The following IGF1R variants were observed in gnomAD, a reference collection of about 807,000 sequenced individuals.
The protein encoded by IGF1R is insulin like growth factor 1 receptor.
A neutral mutation model predicts 144.6 loss-of-function variants in IGF1R; 44 were observed. The ratio of observed to expected loss-of-function variants is 0.30; its 90% CI spans 0.24 to 0.39. The LOEUF (loss-of-function observed/expected upper bound fraction) is 0.39, where lower values mean the gene tolerates loss of function less well. IGF1R is among the 10% of genes least tolerant of loss of function. The pLI is 1.00. For synonymous variants in IGF1R, 795 were observed against 722.8 expected, an observed-to-expected ratio of 1.10 and a Z score of -1.60; for missense variants, 1,355 against 1,833.7, an observed-to-expected ratio of 0.74 and a Z score of 4.77.
intron 2 of IGF1R, among the ~76,000 whole-genome samples, chr15:98,878,999 G>GA (rs369590184): frequency 0.019 from 2,761 of 148,392 alleles, 83 homozygotes; most frequent in African/African-American, 0.062. Context: ...CTGACTCAAA[G>GA]AAAAAAAAAA....
At chr15:98,669,192 G>A (rs1356918147) in intron 1 of IGF1R, among the ~76,000 whole-genome samples, 1 of 152,132 alleles carries the variant, frequency 6.6e-6, no homozygotes, top group Non-Finnish European at 1.5e-5. Flanking sequence ...GTGCGTGTGC[G>A]GATTGGGCTT....
chr15:98,908,217 G>A (rs1197793716), intron 5 of IGF1R, among the ~76,000 whole-genome samples: 1 of 152,234 alleles, frequency 6.6e-6, no homozygotes, highest in Non-Finnish European at 1.5e-5. Context: ...GTCTCATGCT[G>A]TCTCCTATCC....
At chr15:98,873,059 G>A (rs1334919081) in intron 2 of IGF1R, among the ~76,000 whole-genome samples, 1 of 152,076 alleles carries the variant, frequency 6.6e-6, no homozygotes, top group Non-Finnish European at 1.5e-5. Context: ...CTCCCTGAAG[G>A]CAAGCCAAGG....
At chr15:98,859,728 G>A (rs921859794) in intron 2 of IGF1R, among the ~76,000 whole-genome samples, 1 of 152,154 alleles carries the variant, frequency 6.6e-6, no homozygotes, top group African/African-American at 2.4e-5. Flanking sequence ...ATGATTAACT[G>A]TATAGATTGA....
chr15:98,904,537 T>C (rs940568970), intron 5 of IGF1R, among the ~76,000 whole-genome samples: 3 of 152,138 alleles, frequency 2.0e-5, no homozygotes, highest in Non-Finnish European at 2.9e-5. Flanking sequence ...AGAGTGGACA[T>C]GATATAAACC....
intron 1 of IGF1R, among the ~76,000 whole-genome samples, chr15:98,661,795 C>G (rs1281647189): frequency 6.6e-6 from 1 of 152,080 alleles, no homozygotes; most frequent in Non-Finnish European, 1.5e-5. Flanking sequence ...ATAATGTATC[C>G]AAGCTGCCCA....
At position 98,957,216 on chromosome 15, in the gene IGF1R, T is replaced by C; in HGVS notation, c.3878T>C (p.Leu1293Pro). Residue 1293 changes from leucine to proline, a missense_variant, in exon 21 of 21, where the codon CTG becomes CCG. This residue lies in a region of IGF1R where 219 missense variants were observed against 188.8 expected (regional missense o/e 1.16). Coordinates refer to ENST00000650285, the MANE Select transcript of IGF1R (RefSeq NM_000875.5). ...EENKLPEPEE[L>P]DLEPENMESV... The stretch of plus-strand genomic sequence containing the variant: ...AACAAGCTGCCCGAGCCGGAGGAGC[T>C]GGACCTGGAGCCAGAGAACATGGAG... 4 of 1,614,252 alleles carry C rather than the reference T, an allele frequency of 2.5e-6. No homozygotes were observed. The highest frequency in any genetic ancestry group is 3.4e-6 in the Non-Finnish European group (4 of 1,180,050).
chr15:98,948,434 C>G (rs567527666), intron 19 of IGF1R, 140 bp from the exon 20 acceptor site: 7 of 883,680 alleles, frequency 7.9e-6, no homozygotes, highest in African/African-American at 3.3e-5. Flanking sequence ...AGCCCAGGGC[C>G]TGGCTCGCTG....
At position 98,686,498 on chromosome 15, in the gene IGF1R, T is replaced by A. The variant is rs56402018; in HGVS notation, c.95-21064T>A. 4.4e-3 allele frequency among the ~76,000 whole-genome samples: 671 copies of A among 152,298 alleles called. 3 individuals are homozygous for A. The highest frequency in any genetic ancestry group is 0.015 in the African/African-American group (632 of 41,556). Reference sequence around the variant, plus strand: ...TTTTTTGAGGAACCACTGTACTGTTTTCCATGTAGACTGCATAAGAATTCC... The same window carrying A: ...TTTTTTGAGGAACCACTGTACTGTTATCCATGTAGACTGCATAAGAATTCC... On this transcript the variant is annotated intron_variant, in intron 1 of 20. Transcript: ENST00000650285.
At chr15:98,712,014 C>T (rs2054004520) in intron 2 of IGF1R, among the ~76,000 whole-genome samples, 1 of 152,106 alleles carries the variant, frequency 6.6e-6, no homozygotes, top group African/African-American at 2.4e-5. Flanking sequence ...TGTGAGGGCT[C>T]CACCCTCATG....
At chr15:98,680,149 A>G (rs4325540) in intron 1 of IGF1R, among the ~76,000 whole-genome samples, 19,372 of 152,206 alleles carry the variant, frequency 0.13, 2,462 homozygotes, top group African/African-American at 0.32. Context: ...TAAAGTCTAC[A>G]GTAGTGTACA....
Position 98,960,330 on chromosome 15 carries a change from G to T in IGF1R, c.*2888G>T, listed in dbSNP as rs994387378. On this transcript the variant is annotated 3_prime_UTR_variant, in exon 21 of 21. Transcript: ENST00000650285. The stretch of plus-strand genomic sequence containing the variant: ...GTTTTCTATCTTGGTTTCCACCAAG[G>T]TGTTAGATTTCTCCTCCTCCTAGCC... 2 of 233,120 alleles carry T rather than the reference G, an allele frequency of 8.6e-6. No homozygotes were observed. The highest frequency in any genetic ancestry group is 1.7e-5 in the Non-Finnish European group (2 of 118,018). 14.4% of individuals were successfully genotyped at this position (233,120 alleles called of 1,614,324 possible). A position where few individuals can be genotyped will look rare whatever the true frequency, so the allele number is the denominator to read the frequency against.
chr15:98,908,990 C>T (rs796707142), intron 6 of IGF1R, 91 bp downstream of exon 6: 2 of 1,191,546 alleles, frequency 1.7e-6, no homozygotes, highest in South Asian at 1.3e-5. Flanking sequence ...TCCTCTGCGG[C>T]CCCTCCTGGT....
chr15:98,742,369 A>G (rs1386298849), intron 2 of IGF1R, among the ~76,000 whole-genome samples: 1 of 152,226 alleles, frequency 6.6e-6, no homozygotes, highest in African/African-American at 2.4e-5. Context: ...TCATTCATAT[A>G]GCCAGCAGGA....
chr15:98,786,363 T>C (rs1351283683), intron 2 of IGF1R, among the ~76,000 whole-genome samples: 1 of 132,452 alleles, frequency 7.5e-6, no homozygotes, highest in African/African-American at 2.7e-5. Context: ...GTTTAATTGT[T>C]AACCAGGGAG....
chr15:98,946,215 G>C (rs891652338), intron 19 of IGF1R, among the ~76,000 whole-genome samples: 1 of 151,716 alleles, frequency 6.6e-6, no homozygotes, highest in Non-Finnish European at 1.5e-5. Flanking sequence ...GGGCAGGGGT[G>C]GGGGGTTCCT....
chr15:98,652,045 A>G (rs1168359023), intron 1 of IGF1R, among the ~76,000 whole-genome samples: 1 of 152,200 alleles, frequency 6.6e-6, no homozygotes, highest in Non-Finnish European at 1.5e-5. Flanking sequence ...GTGTTGGTTC[A>G]GTTGCAGGTA....
At chr15:98,649,728 G>A in intron 1 of IGF1R, 53 bp downstream of exon 1, 1 of 1,369,768 alleles carries the variant, frequency 7.3e-7, no homozygotes, top group Non-Finnish European at 1.0e-6. Flanking sequence ...CCTCCGAGGG[G>A]CTGCGCCCTG....
intron 6 of IGF1R, among the ~76,000 whole-genome samples, chr15:98,909,655 G>A (rs2014914410): frequency 1.3e-5 from 2 of 152,178 alleles, no homozygotes; most frequent in African/African-American, 4.8e-5. Flanking sequence ...GGGTGGAGGG[G>A]GCTCTGCCCT....
Sources: allele counts gnomAD v4.1 joint callset (sites outside exome capture counted in the v4.1 genomes callset), GRCh38; gene constraint gnomAD v4.1.1; regional missense constraint gnomAD v4.1.1; transcripts MANE v1.5; gene names NCBI Gene and HGNC (gene_info 2026-07-23, HGNC 2026-07-21).